The following TRRAP variants were observed in gnomAD, a reference collection of about 807,000 sequenced individuals.
TRRAP encodes transformation/transcription domain associated protein.
TRRAP carries 41 observed loss-of-function variants against 438.8 expected under a neutral mutation model. The ratio of observed to expected loss-of-function variants is 0.09; its 90% CI spans 0.07 to 0.12. The LOEUF is 0.12. TRRAP is among the 10% of genes least tolerant of loss of function. TRRAP has a pLI of 1.00. For synonymous variants in TRRAP, 1,994 were observed against 1,962.9 expected, an observed-to-expected ratio of 1.02 and a Z score of -0.42; for missense variants, 3,122 against 5,055.1, an observed-to-expected ratio of 0.62 and a Z score of 11.60.
At chr7:98,906,295 C>G in intron 13 of TRRAP, 40 bp downstream of exon 13, 1 of 1,549,960 alleles carries the variant, frequency 6.5e-7, no homozygotes. Flanking sequence ...GGTTAAATGC[C>G]AGGAGCATCA....
chr7:98,990,668 T>C, intron 64 of TRRAP, 49 bp downstream of exon 64: 1 of 1,548,804 alleles, frequency 6.5e-7, no homozygotes, highest in South Asian at 1.2e-5. Context: ...CATTGTGTCT[T>C]CATTTTGCGT....
chr7:98,911,325 CT>C, intron 17 of TRRAP, 54 bp downstream of exon 17: 1 of 1,447,636 alleles, frequency 6.9e-7, no homozygotes, highest in Non-Finnish European at 9.3e-7. Flanking sequence ...TTGTTTATGT[CT>C]TAAATACTTT....
intron 6 of TRRAP, 54 bp downstream of exon 6, chr7:98,893,935 CTG>C (rs1796084583): frequency 1.6e-5 from 25 of 1,566,290 alleles, no homozygotes; most frequent in Non-Finnish European, 2.1e-5. Context: ...CATGTTCCTT[CTG>C]TGAAATTTTT....
At chr7:98,933,190 T>C (rs1554413354) in intron 26 of TRRAP, 51 bp from the exon 27 acceptor site, 1 of 1,531,518 alleles carries the variant, frequency 6.5e-7, no homozygotes, top group Non-Finnish European at 8.8e-7. Context: ...AAAAAGTGTT[T>C]GTGTCTCAAG....
chr7:98,899,312 C>A, intron 8 of TRRAP, 110 bp from the exon 9 acceptor site: 1 of 832,852 alleles, frequency 1.2e-6, no homozygotes, highest in Non-Finnish European at 2.0e-6. Flanking sequence ...AAAGAGGTGT[C>A]ACTGTTTTCC....
At position 98,890,452 on chromosome 7, in the gene TRRAP, T is replaced by TA. The variant is rs1447279937; in HGVS notation, c.261+14dup. The stretch of plus-strand genomic sequence containing the variant: ...TCAGGAGAAACCAGCACAGGTAATG[T>TA]AAAAAAATAACATGAGAAGACAAGG... On this transcript the variant is annotated splice_region_variant and intron_variant, in intron 4 of 72. Transcript: ENST00000456197. 3.8e-6 allele frequency: 6 copies of TA among 1,558,712 alleles called. No homozygotes were observed. Among genetic ancestry groups the TA allele is most frequent in the Non-Finnish European group, 5.2e-6 (6 of 1,154,764 alleles).
At chr7:98,920,177 A>G (rs1254705456) in intron 20 of TRRAP, among the ~76,000 whole-genome samples, 7 of 152,248 alleles carry the variant, frequency 4.6e-5, no homozygotes, top group African/African-American at 1.7e-4. Flanking sequence ...TGATTTAAGA[A>G]AATAGATTTA....
intron 47 of TRRAP, among the ~76,000 whole-genome samples, chr7:98,964,074 C>T (rs997948331): frequency 5.1e-5 from 7 of 138,396 alleles, no homozygotes; most frequent in Admixed American, 7.5e-5. Flanking sequence ...GAGCAAGACT[C>T]GACATTAAAA....
At chr7:99,010,050 G>A (rs1453448706) in intron 70 of TRRAP, among the ~76,000 whole-genome samples, 2 of 152,000 alleles carry the variant, frequency 1.3e-5, no homozygotes, top group African/African-American at 4.8e-5. Context: ...ACCACACCTG[G>A]CTAATTTTTG....
chr7:98,979,918 T>G (rs928216436), intron 58 of TRRAP, among the ~76,000 whole-genome samples: 1 of 152,214 alleles, frequency 6.6e-6, no homozygotes, highest in African/African-American at 2.4e-5. Flanking sequence ...TTTCTTGGTT[T>G]CATTTAGTAA....
At chr7:99,006,495 G>A (rs543986733) in intron 69 of TRRAP, among the ~76,000 whole-genome samples, 18 of 152,282 alleles carry the variant, frequency 1.2e-4, no homozygotes, top group East Asian at 3.9e-4. Context: ...CAAATGCTTG[G>A]TCAGCACAGA....
In TRRAP at chr7:99,013,149, G is replaced by A. The variant is rs954768881; in HGVS notation, c.*794G>A. 7.9e-5 allele frequency: 12 copies of A among 151,976 alleles called. No individual in the cohort carries two copies. The highest frequency in any genetic ancestry group is 2.7e-4 in the African/African-American group (11 of 41,360). 9.4% of individuals were successfully genotyped at this position (151,976 alleles called of 1,614,324 possible). A position where few individuals can be genotyped will look rare whatever the true frequency, so the allele number is the denominator to read the frequency against. On this transcript the variant is annotated 3_prime_UTR_variant, in exon 73 of 73. Transcript: ENST00000456197. Reference sequence around the variant, plus strand: ...TTCCTTCGCTAGCTTTAGTCTTTCTGTTCCCATTTTTATAAATCTGAGCAT... The same window carrying A: ...TTCCTTCGCTAGCTTTAGTCTTTCTATTCCCATTTTTATAAATCTGAGCAT...
chr7:98,937,277 G>A lies in TRRAP; in HGVS notation c.4233G>A (p.Lys1411=). The change falls in exon 29 of 73, where the codon AAG becomes AAA. Residue 1411 remains lysine, a splice_region_variant and synonymous_variant. Coordinates refer to ENST00000456197, the MANE Select transcript of TRRAP (RefSeq NM_001375524.1). ...LQEAGEACMR[K]FLEGATIEVD... ...AGGCCGGAGAAGCCTGTATGAGAAA[G>A]GTGAGTGTGTGTGCGTGCGTGTATG... is the stretch of plus-strand genomic sequence containing the variant. 6.2e-7 allele frequency: 1 copy of A among 1,606,314 alleles called. No individual in the cohort carries two copies. Among genetic ancestry groups the A allele is most frequent in the African/African-American group, 1.3e-5 (1 of 74,846 alleles).
At chr7:99,000,413 T>C (rs1403892597) in intron 67 of TRRAP, among the ~76,000 whole-genome samples, 1 of 152,234 alleles carries the variant, frequency 6.6e-6, no homozygotes, top group Non-Finnish European at 1.5e-5. Flanking sequence ...GAACTCATAC[T>C]ACATATACTA....
intron 1 of TRRAP, among the ~76,000 whole-genome samples, chr7:98,878,902 C>T (rs1554402557): frequency 2.0e-5 from 3 of 152,148 alleles, no homozygotes; most frequent in Non-Finnish European, 4.4e-5. Context: ...CGGCCTGGGA[C>T]GCGGTCACGG....
rs186992290 is a variant in TRRAP at position 98,914,462 on chromosome 7, A to G, written c.2200-1261A>G. 1.3e-3 allele frequency among the ~76,000 whole-genome samples: 198 copies of G among 152,282 alleles called. 3 individuals carry two copies. In the East Asian group the frequency reaches 0.029, roughly 22 times the overall value. On this transcript the variant is annotated intron_variant, in intron 18 of 72. Coordinates refer to ENST00000456197, the MANE Select transcript of TRRAP (RefSeq NM_001375524.1). ...AATCTGTGTCCTCATATAATTCATT[A>G]TCCTCAAATAATTCATTTTTTTGCC...
chr7:98,932,092 A>T (rs570683005), intron 26 of TRRAP, among the ~76,000 whole-genome samples: 32 of 147,804 alleles, frequency 2.2e-4, no homozygotes, highest in African/African-American at 5.4e-4. Flanking sequence ...TTTATTTTTT[A>T]TTTTTTTTTA....
chr7:98,989,975 C>A (rs913064380), intron 63 of TRRAP, among the ~76,000 whole-genome samples: 2 of 152,220 alleles, frequency 1.3e-5, no homozygotes, highest in African/African-American at 2.4e-5. Context: ...CGCTTGTAAA[C>A]CCAGCACTTT....
Position 98,921,928 on chromosome 7 carries a change from C to G in TRRAP, c.2798C>G (p.Ala933Gly). ...SITVEFSDCK[A>G]SLQLPMEKAI... ...ACTGTGGAGTTTTCCGACTGCAAAG[C>G]TTCTCTCCAGCTCCCCATGGAGAAG... Residue 933 changes from alanine (A) to glycine (G), a missense_variant, in exon 21 of 73, where the codon GCT (alanine) becomes GGT (glycine). Coordinates refer to ENST00000456197, the MANE Select transcript of TRRAP (RefSeq NM_001375524.1). The G allele has an allele frequency of 6.2e-7, 1 of 1,614,236 alleles. No homozygotes were observed. The highest frequency in any genetic ancestry group is 8.5e-7 in the Non-Finnish European group (1 of 1,180,042).
Sources: gnomAD v4.1 joint callset for allele counts (sites outside exome capture counted in the v4.1 genomes callset) on GRCh38, gnomAD v4.1.1 for gene constraint, MANE v1.5 for transcripts, NCBI Gene and HGNC (gene_info 2026-07-23, HGNC 2026-07-21) for gene names.